SLCO6A1: variants seen among roughly 807,000 people sequenced by gnomAD.
The protein encoded by SLCO6A1 is solute carrier organic anion transporter family member 6A1.
A neutral mutation model predicts 72.7 loss-of-function variants in SLCO6A1; 65 were observed. The ratio of observed to expected loss-of-function variants is 0.89; its 90% CI spans 0.73 to 1.10. The LOEUF is 1.10. SLCO6A1 is among the 50% of genes least tolerant of loss of function. The pLI is 0.00. For missense variants in SLCO6A1, 874 were observed against 872.6 expected (o/e 1.00, Z -0.02); for synonymous variants, 314 against 298.2 (o/e 1.05, Z -0.55).
intron 7 of SLCO6A1, among the ~76,000 whole-genome samples, chr5:102,426,484 A>G (rs532624840): frequency 3.3e-5 from 5 of 152,364 alleles, no homozygotes; most frequent in Non-Finnish European, 7.3e-5. Context: ...TTCTCAAAAG[A>G]AGACATTTAT....
intron 12 of SLCO6A1, among the ~76,000 whole-genome samples, chr5:102,377,037 A>G (rs1474965249): frequency 1.3e-5 from 2 of 151,974 alleles, no homozygotes; most frequent in Non-Finnish European, 1.5e-5. Flanking sequence ...GGTGGCATGG[A>G]CCTGTAATTC....
At position 102,413,082 on chromosome 5, in the gene SLCO6A1, T is replaced by C. The variant is rs778448238; in HGVS notation, c.1534A>G (p.Ile512Val). ...CNEKCRCSSS[I>V]YSSICGRDDI... ...TCTCTTCCACATATAGAAGAATAAA[T>C]TGAAGATGAGCATCTACATTTTTCA... The change falls in exon 9 of 14, where the codon ATT (isoleucine) becomes GTT (valine). Residue 512 changes from isoleucine to valine, a missense_variant. Ile to Val is a conservative substitution (Grantham distance 29, BLOSUM62 3). Transcript: ENST00000506729. The C allele has an allele frequency of 9.5e-6, 15 of 1,578,328 alleles. No homozygotes were observed. In the South Asian group the frequency reaches 1.4e-4, roughly 14 times the overall value.
intron 3 of SLCO6A1, 96 bp downstream of exon 3, chr5:102,477,580 A>T: frequency 1.1e-6 from 1 of 921,146 alleles, no homozygotes; most frequent in Non-Finnish European, 1.6e-6. Flanking sequence ...TGTTATCATA[A>T]GGGCCAATAG....
At chr5:102,442,381 C>T in intron 6 of SLCO6A1, among the ~76,000 whole-genome samples, 1 of 152,146 alleles carries the variant, frequency 6.6e-6, no homozygotes, top group East Asian at 1.9e-4. Context: ...TACTGGTTCA[C>T]TATCTGTAAA....
At chr5:102,397,885 T>G (rs1747184989) in intron 10 of SLCO6A1, among the ~76,000 whole-genome samples, 1 of 152,142 alleles carries the variant, frequency 6.6e-6, no homozygotes, top group South Asian at 2.1e-4. Context: ...GTGTGTGTGT[T>G]TTATTCTCTT....
At chr5:102,423,742 G>A (rs1748736880) in intron 7 of SLCO6A1, among the ~76,000 whole-genome samples, 1 of 152,126 alleles carries the variant, frequency 6.6e-6, no homozygotes, top group Admixed American at 6.5e-5. Context: ...AGGATATTCA[G>A]GACTTGAACT....
At chr5:102,414,903 GTAAGTAAA>G (rs1257631575) in intron 8 of SLCO6A1, among the ~76,000 whole-genome samples, 1 of 124,802 alleles carries the variant, frequency 8.0e-6, no homozygotes, top group Non-Finnish European at 1.8e-5. Context: ...CTCAAAGTAA[GTAAGTAAA>G]TAAATAAATA....
In SLCO6A1 at chr5:102,457,648, C is replaced by T. The variant is rs370645231; in HGVS notation, c.1131+734G>A. 1.8e-4 allele frequency among the ~76,000 whole-genome samples: 27 copies of T among 152,182 alleles called. No individual in the cohort carries two copies. The South Asian group carries it at 5.2e-3, about 29-fold the overall frequency. Reference sequence around the variant, plus strand: ...GAGAAATAGGAACACTTTTACACTGCTGGTGGGACTGTAAACTAGTTCAAC... The same window carrying T: ...GAGAAATAGGAACACTTTTACACTGTTGGTGGGACTGTAAACTAGTTCAAC... On this transcript the variant is annotated intron_variant, in intron 6 of 13. Coordinates refer to ENST00000506729, the MANE Select transcript of SLCO6A1 (RefSeq NM_173488.5).
rs1490446558 is a variant in SLCO6A1, at chr5:102,477,530, T to C, written c.802+146A>G. 7 of 589,858 alleles carry C rather than the reference T, an allele frequency of 1.2e-5. No individual in the cohort carries two copies. The African/African-American group carries it at 1.3e-4, about 11-fold the overall frequency. The allele number at this position is 589,858 out of a possible 1,614,324, so 36.5% of individuals were successfully genotyped here. A position where few individuals can be genotyped will look rare whatever the true frequency, so the allele number is the denominator to read the frequency against. ...CTACTTAGAATTAGGTGAATCAATGTGATTTGGAGGTTTAGCATACCAATT... is the reference window on the plus strand; with the variant it reads ...CTACTTAGAATTAGGTGAATCAATGCGATTTGGAGGTTTAGCATACCAATT... On this transcript the variant is annotated intron_variant, in intron 3 of 13. Coordinates refer to ENST00000506729, the MANE Select transcript of SLCO6A1 (RefSeq NM_173488.5).
chr5:102,470,907 G>A (rs919239095), intron 4 of SLCO6A1, among the ~76,000 whole-genome samples: 14 of 152,066 alleles, frequency 9.2e-5, no homozygotes, highest in East Asian at 3.9e-4. Context: ...CTTGGTTGTA[G>A]TTTTGTTTAG....
At chr5:102,496,464 C>G (rs1752913923) in intron 1 of SLCO6A1, among the ~76,000 whole-genome samples, 1 of 152,156 alleles carries the variant, frequency 6.6e-6, no homozygotes, top group Admixed American at 6.6e-5. Context: ...AGTTAAGATA[C>G]AGAGCTAAAA....
chr5:102,399,620 AG>A lies in SLCO6A1; in HGVS notation c.1748del (p.Ala583ValfsTer21). On this transcript the variant is annotated frameshift_variant, in exon 10 of 14. Coordinates refer to ENST00000506729, the MANE Select transcript of SLCO6A1 (RefSeq NM_173488.5). LOFTEE classifies it high-confidence loss of function. The part of the protein sequence containing the change: ...AKCYKLPLFI[A>X]FIFSTLIFSG... ...AAAATATAAGTGTAGAAAAGATAAA[AG>A]CAATGAACAAAGGTAACTTATAGCA... is the stretch of plus-strand genomic sequence containing the variant. The A allele has an allele frequency of 6.2e-7, 1 of 1,606,212 alleles. No individual in the cohort carries two copies. Among genetic ancestry groups the A allele is most frequent in the Non-Finnish European group, 8.5e-7 (1 of 1,174,940 alleles).
At chr5:102,388,223 T>C (rs1442621607) in intron 12 of SLCO6A1, among the ~76,000 whole-genome samples, 2 of 152,212 alleles carry the variant, frequency 1.3e-5, no homozygotes, top group African/African-American at 4.8e-5. Flanking sequence ...CTGCTAATTA[T>C]CATTCTTTAT....
At chr5:102,444,696 G>A (rs1750015742) in intron 6 of SLCO6A1, among the ~76,000 whole-genome samples, 2 of 152,114 alleles carry the variant, frequency 1.3e-5, no homozygotes, top group African/African-American at 4.8e-5. Flanking sequence ...ATGATTCAGA[G>A]ACTAAAACTA....
chr5:102,417,411 C>T (rs1260597868), intron 8 of SLCO6A1, among the ~76,000 whole-genome samples: 9 of 151,288 alleles, frequency 5.9e-5, no homozygotes. Context: ...TCTTTTTGTT[C>T]ACTTTTTCCT....
intron 7 of SLCO6A1, among the ~76,000 whole-genome samples, chr5:102,425,278 G>C (rs185333798): frequency 9.6e-4 from 146 of 152,226 alleles, no homozygotes; most frequent in Middle Eastern, 3.4e-3. Flanking sequence ...AGGGTGATTA[G>C]GCAAGAGAAA....
chr5:102,485,764 T>C (rs1474108244), intron 1 of SLCO6A1, among the ~76,000 whole-genome samples: 1 of 152,144 alleles, frequency 6.6e-6, no homozygotes, highest in African/African-American at 2.4e-5. Context: ...TAATAAACCA[T>C]AACCAAGAGC....
chr5:102,485,424 C>CGG (rs1580517584), intron 1 of SLCO6A1, among the ~76,000 whole-genome samples: 1 of 152,038 alleles, frequency 6.6e-6, no homozygotes, highest in East Asian at 1.9e-4. Context: ...CATATTGTAC[C>CGG]AGTTTGATCA....
intron 12 of SLCO6A1, among the ~76,000 whole-genome samples, chr5:102,385,813 T>G (rs1425799455): frequency 2.0e-5 from 3 of 147,728 alleles, no homozygotes; most frequent in African/African-American, 7.5e-5. Context: ...TCTCCATTTT[T>G]CTCCTGTTTT....
Sources: gnomAD v4.1 joint callset for allele counts (sites outside exome capture counted in the v4.1 genomes callset) on GRCh38, gnomAD v4.1.1 for gene constraint, MANE v1.5 for transcripts, NCBI Gene and HGNC (gene_info 2026-07-23, HGNC 2026-07-21) for gene names.